PARVA: variants seen among roughly 807,000 people sequenced by gnomAD.
PARVA encodes the protein parvin alpha.
A neutral mutation model predicts 52.6 loss-of-function variants in PARVA; 25 were observed. The ratio of observed to expected loss-of-function variants is 0.48; its 90% confidence interval spans 0.35 to 0.66. The LOEUF is 0.66. Among genes scored for constraint, PARVA ranks in the 30% least tolerant of loss-of-function variants. The pLI, the probability that PARVA is intolerant of heterozygous loss-of-function variation, is 0.01. For missense variants in PARVA, 373 were observed against 450.9 expected (o/e 0.83, Z 1.56); for synonymous variants, 185 against 179.1 (o/e 1.03, Z -0.26).
chr11:12,493,944 C>T (rs371707324), intron 4 of PARVA, among the ~76,000 whole-genome samples: 9 of 152,348 alleles, frequency 5.9e-5, no homozygotes, highest in East Asian at 1.9e-4. Context: ...AGTTGGCATT[C>T]GCCAAGTTCA....
intron 5 of PARVA, among the ~76,000 whole-genome samples, chr11:12,502,103 G>C (rs1257310767): frequency 6.6e-6 from 1 of 152,134 alleles, no homozygotes; most frequent in African/African-American, 2.4e-5. Flanking sequence ...GAGGCTGTAA[G>C]TCTGGGTAAA....
At chr11:12,494,087 G>T (rs1322417683) in intron 4 of PARVA, among the ~76,000 whole-genome samples, 2 of 152,196 alleles carry the variant, frequency 1.3e-5, no homozygotes, top group Non-Finnish European at 2.9e-5. Context: ...CTATTATAAA[G>T]GATAAAACTC....
At chr11:12,513,968 G>C (rs762840245) in intron 9 of PARVA, 29 bp from the exon 10 acceptor site, 2 of 1,604,966 alleles carry the variant, frequency 1.2e-6, no homozygotes, top group Non-Finnish European at 1.7e-6. Context: ...CGAGTCCCCA[G>C]CTTAGGGCCT....
intron 12 of PARVA, among the ~76,000 whole-genome samples, chr11:12,520,240 T>C (rs1040242890): frequency 7.9e-5 from 12 of 152,256 alleles, no homozygotes; most frequent in African/African-American, 2.9e-4. Flanking sequence ...CAGGGCATTA[T>C]GCCCATGCTG....
intron 1 of PARVA, among the ~76,000 whole-genome samples, chr11:12,394,163 G>A (rs191460547): frequency 1.3e-5 from 2 of 152,218 alleles, no homozygotes; most frequent in Admixed American, 1.3e-4. Context: ...AGAGAGCTTG[G>A]TTCCACGTCC....
At chr11:12,380,769 A>T (rs370390228) in intron 1 of PARVA, among the ~76,000 whole-genome samples, 1 of 140,126 alleles carries the variant, frequency 7.1e-6, no homozygotes, top group South Asian at 2.2e-4. Flanking sequence ...TAGCACAGAC[A>T]CAATGTTCTT....
In PARVA at chr11:12,377,630, G is replaced by C. The variant is rs1159284017; in HGVS notation, c.-18G>C. 12 of 1,564,666 alleles carry C rather than the reference G, an allele frequency of 7.7e-6. No individual in the cohort carries two copies. The highest frequency in any genetic ancestry group is 9.5e-6 in the Non-Finnish European group (11 of 1,161,390). Reference sequence around the variant, plus strand: ...CAGCTCCGCGTCCCGACCGGCCCGCGGCAGCCTGCGCCGCGCCATGGCCAC... The same window carrying C: ...CAGCTCCGCGTCCCGACCGGCCCGCCGCAGCCTGCGCCGCGCCATGGCCAC... On this transcript the variant is annotated 5_prime_UTR_variant, in exon 1 of 13. Coordinates refer to ENST00000334956, the MANE Select transcript of PARVA (RefSeq NM_018222.5).
At position 12,513,307 on chromosome 11, in the gene PARVA, G is replaced by T. The variant is rs1250320095; in HGVS notation, c.745G>T (p.Ala249Ser). 6.2e-7 allele frequency: 1 copy of T among 1,613,696 alleles called. No individual in the cohort carries two copies. Among genetic ancestry groups the T allele is most frequent in the Admixed American group, 1.7e-5 (1 of 60,024 alleles). ...GTTTCCCTCTTTTTCAGAACGTGAT[G>T]CCTTTGACACCTTGTTCGACCATGC... ...EALSGRHERD[A>S]FDTLFDHAPD... The change falls in exon 9 of 13, where the codon GCC becomes TCC. Residue 249 changes from alanine (A) to serine (S), a missense_variant. By Grantham distance (99) the Ala-to-Ser change is moderately conservative. Transcript: ENST00000334956.
intron 1 of PARVA, among the ~76,000 whole-genome samples, chr11:12,451,099 T>G (rs999847875): frequency 2.0e-5 from 3 of 152,204 alleles, no homozygotes; most frequent in African/African-American, 7.2e-5. Context: ...TAGCTGTGGC[T>G]TGGTCAGTGT....
intron 7 of PARVA, among the ~76,000 whole-genome samples, chr11:12,510,410 C>A (rs529732199): frequency 2.0e-5 from 3 of 152,320 alleles, no homozygotes; most frequent in East Asian, 1.9e-4. Flanking sequence ...GATATTAAAT[C>A]ATTTAATAAT....
chr11:12,405,075 TAAA>T (rs1276595036), intron 1 of PARVA, among the ~76,000 whole-genome samples: 1 of 152,136 alleles, frequency 6.6e-6, no homozygotes, highest in Non-Finnish European at 1.5e-5. Flanking sequence ...AAACAGATAA[TAAA>T]AGTCTCTGCC....
intron 1 of PARVA, among the ~76,000 whole-genome samples, chr11:12,422,117 T>G (rs1301539748): frequency 1.3e-5 from 2 of 152,242 alleles, no homozygotes; most frequent in African/African-American, 4.8e-5. Flanking sequence ...CTTAAAATTG[T>G]TTTGTATTTA....
chr11:12,446,318 T>G (rs1242678969), intron 1 of PARVA, among the ~76,000 whole-genome samples: 1 of 152,110 alleles, frequency 6.6e-6, no homozygotes, highest in African/African-American at 2.4e-5. Context: ...GAGTTACCAC[T>G]CCCACCTACT....
At chr11:12,383,196 G>A (rs377613062) in intron 1 of PARVA, among the ~76,000 whole-genome samples, 255 of 152,186 alleles carry the variant, frequency 1.7e-3, no homozygotes, top group African/African-American at 4.1e-3. Flanking sequence ...CTTCTTTTGG[G>A]TTTTCAATTC....
At chr11:12,524,316 G>T (rs1041347996) in intron 12 of PARVA, among the ~76,000 whole-genome samples, 5 of 152,202 alleles carry the variant, frequency 3.3e-5, no homozygotes, top group Admixed American at 2.6e-4. Context: ...TTAAGTGACT[G>T]CCAGGGTCAC....
chr11:12,391,187 C>A (rs1341021290), intron 1 of PARVA, among the ~76,000 whole-genome samples: 1 of 152,136 alleles, frequency 6.6e-6, no homozygotes, highest in East Asian at 1.9e-4. Flanking sequence ...AGATTTCACA[C>A]CTTGTAATGG....
chr11:12,454,513 T>C (rs1298324237), intron 1 of PARVA, among the ~76,000 whole-genome samples: 2 of 152,030 alleles, frequency 1.3e-5, no homozygotes, highest in Admixed American at 6.6e-5. Context: ...CCTCCTTATG[T>C]TACAAAACAA....
chr11:12,500,274 C>T (rs543561243), intron 5 of PARVA, among the ~76,000 whole-genome samples: 33 of 152,210 alleles, frequency 2.2e-4, no homozygotes, highest in Non-Finnish European at 1.3e-4. Context: ...CTGCGGTTCC[C>T]GGCTTGCACA....
At chr11:12,494,882 T>G (rs1336136935) in intron 4 of PARVA, among the ~76,000 whole-genome samples, 1 of 152,210 alleles carries the variant, frequency 6.6e-6, no homozygotes, top group East Asian at 1.9e-4. Flanking sequence ...TTGCCTGCAA[T>G]CTTTGCCTCT....
Sources: allele counts gnomAD v4.1 joint callset (sites outside exome capture counted in the v4.1 genomes callset), GRCh38; gene constraint gnomAD v4.1.1; transcripts MANE v1.5; gene names NCBI Gene and HGNC (gene_info 2026-07-23, HGNC 2026-07-21).